Variants in NMNAT3 observed in about 807,000 individuals in gnomAD.
The protein encoded by NMNAT3 is nicotinamide nucleotide adenylyltransferase 3.
A neutral mutation model predicts 24.8 loss-of-function variants in NMNAT3; 21 were observed. That is an observed-to-expected ratio of 0.85 (90% CI 0.60 to 1.22). The LOEUF is 1.22. Ranked by LOEUF, NMNAT3 falls within the 50% of genes most tolerant of loss-of-function variation. NMNAT3 has a pLI of 0.00. For synonymous variants in NMNAT3, 136 were observed against 155.2 expected, an observed-to-expected ratio of 0.88 and a Z score of 0.92; for missense variants, 387 against 436.6, an observed-to-expected ratio of 0.89 and a Z score of 1.01.
intron 3 of NMNAT3, among the ~76,000 whole-genome samples, chr3:139,596,962 ATATT>A (rs1382223517): frequency 4.6e-5 from 5 of 109,046 alleles, no homozygotes; most frequent in Admixed American, 2.7e-4. Context: ...ATATATATAT[ATATT>A]TTTATTACAT....
At chr3:139,650,175 A>G (rs926719717) in intron 1 of NMNAT3, among the ~76,000 whole-genome samples, 4 of 152,204 alleles carry the variant, frequency 2.6e-5, no homozygotes, top group African/African-American at 9.7e-5. Flanking sequence ...AAAGGAACCA[A>G]TCCCTCTCTC....
At position 139,573,668 on chromosome 3, in the gene NMNAT3, G is replaced by C. The variant is rs574192757; in HGVS notation, c.588C>G (p.Ser196Arg). 6.3e-7 allele frequency: 1 copy of C among 1,598,918 alleles called. No homozygotes were observed. Among genetic ancestry groups the C allele is most frequent in the South Asian group, 1.1e-5 (1 of 88,612 alleles). Residue 196 changes from serine to arginine, a missense_variant, in exon 6 of 7, where the codon AGC (serine) becomes AGG (arginine). By Grantham distance (110) the Ser-to-Arg change is moderately radical. Transcript: ENST00000643695. ...TCTGGGGTGGAGATCTGAGCAGTTT[G>C]CTGTGATGATGCCTGTGTTGTAAAC...
At chr3:139,660,984 T>G (rs2057396457) in intron 1 of NMNAT3, among the ~76,000 whole-genome samples, 1 of 152,174 alleles carries the variant, frequency 6.6e-6, no homozygotes, top group Admixed American at 6.5e-5. Context: ...ATGAGATATT[T>G]CACAAAACAC....
At chr3:139,605,938 T>C (rs1460577595) in intron 3 of NMNAT3, among the ~76,000 whole-genome samples, 1 of 152,094 alleles carries the variant, frequency 6.6e-6, no homozygotes, top group Non-Finnish European at 1.5e-5. Flanking sequence ...CTGTAACAAA[T>C]TTACTTAAAT....
At chr3:139,613,515 G>A (rs935078435) in intron 3 of NMNAT3, among the ~76,000 whole-genome samples, 3 of 152,290 alleles carry the variant, frequency 2.0e-5, no homozygotes, top group South Asian at 2.1e-4. Flanking sequence ...GGAGAAATAC[G>A]TACACTTTTA....
chr3:139,653,362 AAAT>A (rs1226052059), intron 1 of NMNAT3, among the ~76,000 whole-genome samples: 1 of 152,208 alleles, frequency 6.6e-6, no homozygotes, highest in Non-Finnish European at 1.5e-5. Context: ...TTCTATTTAA[AAAT>A]AATGGAAATC....
chr3:139,668,819 T>C (rs544357583), intron 1 of NMNAT3, among the ~76,000 whole-genome samples: 13 of 152,206 alleles, frequency 8.5e-5, no homozygotes, highest in Non-Finnish European at 1.8e-4. Flanking sequence ...GCCATCTGCA[T>C]AGGGTATGGA....
At chr3:139,623,949 A>G (rs2055923440) in intron 3 of NMNAT3, among the ~76,000 whole-genome samples, 1 of 152,212 alleles carries the variant, frequency 6.6e-6, no homozygotes, top group Admixed American at 6.5e-5. Flanking sequence ...CACCACAAAC[A>G]CAAGTAATGC....
At chr3:139,571,928 C>G (rs1050714994) in intron 6 of NMNAT3, among the ~76,000 whole-genome samples, 2 of 152,210 alleles carry the variant, frequency 1.3e-5, no homozygotes, top group Non-Finnish European at 2.9e-5. Flanking sequence ...ACTGGAGGCT[C>G]CAGTCTGCCC....
At chr3:139,666,024 C>A (rs1225723956) in intron 1 of NMNAT3, among the ~76,000 whole-genome samples, 1 of 151,996 alleles carries the variant, frequency 6.6e-6, no homozygotes, top group African/African-American at 2.4e-5. Flanking sequence ...TGTTACCTAT[C>A]AAAAAATTTA....
intron 2 of NMNAT3, among the ~76,000 whole-genome samples, chr3:139,628,899 G>A (rs1190337797): frequency 6.6e-6 from 1 of 152,224 alleles, no homozygotes; most frequent in Non-Finnish European, 1.5e-5. Context: ...AATAATCACT[G>A]TGGCTGTGGT....
rs1274562577 is a variant in NMNAT3 at position 139,561,273 on chromosome 3, C to T, written c.778G>A (p.Gly260Ser). ...CCTTTTGGGTCGTGACCTACTCGGC[C>T]CACGCACACCAAGCCAAACTTCTCC... Residue 260 changes from glycine (G) to serine (S), a missense_variant, in exon 7 of 7, where the codon GGC becomes AGC. Gly to Ser is a moderately conservative substitution (Grantham distance 56). Around this residue, in one of 3 missense-constraint regions of NMNAT3, gnomAD observed 323 missense variants for 345.2 expected, o/e 0.94. Transcript: ENST00000643695. The T allele has an allele frequency of 2.5e-5, 41 of 1,613,958 alleles. No individual in the cohort carries two copies. Among genetic ancestry groups the T allele is most frequent in the Middle Eastern group, 1.6e-4 (1 of 6,062 alleles).
rs1360476733 is a variant in NMNAT3, at chr3:139,565,793, C to T, written c.659-4401G>A. The T allele has an allele frequency of 3.4e-4, 52 of 152,208 alleles. No individual in the cohort carries two copies. In the East Asian group the frequency reaches 6.6e-3, roughly 19 times the overall value. The allele number at this position is 152,208 out of a possible 1,614,324, so 9.4% of individuals were successfully genotyped here. Reference sequence around the variant, plus strand: ...GACATTTGGGTTGGTTCCAAGTCTTCGCTATTGTGAATAGTGCTGCAATAA... The same window carrying T: ...GACATTTGGGTTGGTTCCAAGTCTTTGCTATTGTGAATAGTGCTGCAATAA... On this transcript the variant is annotated intron_variant, in intron 6 of 6. Transcript: ENST00000643695.
rs141204822 is a variant in NMNAT3, at chr3:139,645,764, T to C, written c.-140-7702A>G. ...AACTGAGGAGTATAGTTTTTTTTGA[T>C]GGCACATTGTTGCTCTCAACAAAAT... On this transcript the variant is annotated intron_variant, in intron 1 of 6. Transcript: ENST00000643695. Among the ~76,000 whole-genome samples, 205 of 152,318 alleles carry C rather than the reference T, an allele frequency of 1.3e-3. 1 individual carries two copies. Among genetic ancestry groups the C allele is most frequent in the African/African-American group, 4.5e-3 (186 of 41,578 alleles).
At chr3:139,613,698 C>A (rs1016325015) in intron 3 of NMNAT3, among the ~76,000 whole-genome samples, 1 of 151,876 alleles carries the variant, frequency 6.6e-6, no homozygotes, top group African/African-American at 2.4e-5. Flanking sequence ...ATGTTTATTG[C>A]GGCACTATTC....
At chr3:139,567,243 C>A (rs1169056285) in intron 6 of NMNAT3, 3 of 151,624 alleles carry the variant, frequency 2.0e-5, no homozygotes, top group African/African-American at 7.2e-5. Context: ...TGCTTATCAG[C>A]TTGAGGAGAT....
At chr3:139,576,043 C>A (rs561635909) in intron 5 of NMNAT3, 1 of 1,288,526 alleles carries the variant, frequency 7.8e-7, no homozygotes, top group South Asian at 1.2e-5. Flanking sequence ...AACAAACTAT[C>A]TTATAGGGAA....
intron 3 of NMNAT3, among the ~76,000 whole-genome samples, chr3:139,598,203 C>A (rs1480972482): frequency 6.6e-6 from 1 of 152,158 alleles, no homozygotes; most frequent in Non-Finnish European, 1.5e-5. Flanking sequence ...CAAAACATGG[C>A]CACAGGATCA....
At chr3:139,652,721 GAAAGCA>G (rs887698033) in intron 1 of NMNAT3, among the ~76,000 whole-genome samples, 4 of 152,184 alleles carry the variant, frequency 2.6e-5, no homozygotes, top group Non-Finnish European at 5.9e-5. Context: ...CTTTAATTTT[GAAAGCA>G]AAAGCAAACA....
Sources: gnomAD v4.1 joint callset for allele counts (sites outside exome capture counted in the v4.1 genomes callset) on GRCh38, gnomAD v4.1.1 for gene constraint, gnomAD v4.1.1 regional missense constraint, MANE v1.5 for transcripts, NCBI Gene and HGNC (gene_info 2026-07-23, HGNC 2026-07-21) for gene names.